Variants in SLC5A6 observed in about 807,000 individuals in gnomAD.
SLC5A6 encodes the protein solute carrier family 5 member 6, also known as sodium-dependent multivitamin transporter.
Under a neutral mutation model 67.9 loss-of-function variants are expected in SLC5A6, and 31 were observed. The ratio of observed to expected loss-of-function variants is 0.46; its 90% CI spans 0.34 to 0.62. The LOEUF is 0.62. Ranked by LOEUF, SLC5A6 falls within the 20% of genes least tolerant of loss-of-function variation. The pLI is 0.01. For missense variants in SLC5A6, 673 were observed against 812.8 expected, an observed-to-expected ratio of 0.83 and a Z score of 2.09; for synonymous variants, 343 against 331.0, an observed-to-expected ratio of 1.04 and a Z score of -0.39.
chr2:27,204,469 G>C lies in SLC5A6; in HGVS notation c.997C>G (p.Pro333Ala). The C allele has an allele frequency of 6.2e-7, 1 of 1,612,942 alleles. No homozygotes were observed. ...PMSIQQAQAAPDQFVLYFVMD... is the reference protein window; with the variant it reads ...PMSIQQAQAAADQFVLYFVMD... ...GAACAGCGCCTTCTCACCTGGTCTG[G>C]GGCTGCCTGAGCCTGCTGAATGCTC... The change falls in exon 9 of 17, where the codon CCA becomes GCA. Residue 333 changes from proline (P) to alanine (A), a missense_variant. Transcript: ENST00000310574.
At chr2:27,202,169 GC>G in intron 12 of SLC5A6, 95 bp from the exon 13 acceptor site, 1 of 868,452 alleles carries the variant, frequency 1.2e-6, no homozygotes, top group Non-Finnish European at 1.9e-6. Context: ...TGACCTTGGA[GC>G]CCCACTTGTC....
rs147176799 is a variant in SLC5A6 at position 27,200,503 on chromosome 2, A to G, written c.1841T>C (p.Met614Thr). 1,650 of 1,614,044 alleles carry G rather than the reference A, an allele frequency of 1.0e-3. 4 individuals carry two copies. The highest frequency in any genetic ancestry group is 1.2e-3 in the Non-Finnish European group (1,428 of 1,179,956). The change falls in exon 17 of 17, where the codon ATG becomes ACG. Residue 614 changes from methionine (M) to threonine (T), a missense_variant. Coordinates refer to ENST00000310574, the MANE Select transcript of SLC5A6 (RefSeq NM_021095.4). ...VLGDSRDKEA[M>T]ALDGTAYQGS... The stretch of plus-strand genomic sequence containing the variant: ...CTGATAGGCTGTGCCATCCAGGGCC[A>G]TGGCCTCCTTGTCTCTGCTGTCCCC...
chr2:27,210,370 G>A (rs1237789178), intron 2 of SLC5A6, among the ~76,000 whole-genome samples: 1 of 152,078 alleles, frequency 6.6e-6, no homozygotes, highest in Non-Finnish European at 1.5e-5. Flanking sequence ...AAAAGCAAGA[G>A]CTAGCTGTTG....
At position 27,200,220 on chromosome 2, in the gene SLC5A6, C is replaced by G; in HGVS notation, c.*216G>C. 2.1e-6 allele frequency: 1 copy of G among 474,370 alleles called. No individual in the cohort carries two copies. Among genetic ancestry groups the G allele is most frequent in the Non-Finnish European group, 3.7e-6 (1 of 269,832 alleles). 29.4% of individuals were successfully genotyped at this position (474,370 alleles called of 1,614,324 possible). A position where few individuals can be genotyped will look rare whatever the true frequency, so the allele number is the denominator to read the frequency against. On this transcript the variant is annotated 3_prime_UTR_variant, in exon 17 of 17. Transcript: ENST00000310574. ...CCTACGAGCCTGATCCTTTAAAAAA[C>G]AGATTGGCAAGCGACGAGAAAAACG...
intron 2 of SLC5A6, chr2:27,208,345 C>T (rs1250845368): frequency 1.3e-5 from 2 of 152,692 alleles, no homozygotes; most frequent in African/African-American, 2.4e-5. Flanking sequence ...CAGGCCAACC[C>T]CTTTCTTAAG....
At chr2:27,201,911 G>A in intron 13 of SLC5A6, 64 bp from the exon 14 acceptor site, 1 of 1,608,808 alleles carries the variant, frequency 6.2e-7, no homozygotes, top group Non-Finnish European at 8.5e-7. Flanking sequence ...GCAGTCCTCA[G>A]CTCTCCTGGT....
intron 2 of SLC5A6, among the ~76,000 whole-genome samples, chr2:27,209,128 G>T (rs1674286335): frequency 6.6e-6 from 1 of 152,150 alleles, no homozygotes; most frequent in Admixed American, 6.5e-5. Context: ...CTAAGGCTCA[G>T]ATGGTTCAAG....
rs1384188924 is a variant in SLC5A6 at position 27,204,886 on chromosome 2, G to C, written c.780C>G (p.Ala260=). ...PFVRHTFWTL[A]FGGVFMMLSL... ...AGAGCATCATGAAGACACCCCCGAA[G>C]GCCAAGGTCCAGAAGGTGTGCCGCA... Residue 260 remains alanine, a synonymous_variant, in exon 8 of 17, where the codon GCC becomes GCG. Transcript: ENST00000310574. 6.2e-6 allele frequency: 10 copies of C among 1,613,968 alleles called. No homozygotes were observed. In the East Asian group the frequency reaches 2.2e-4, roughly 36 times the overall value.
In SLC5A6 at chr2:27,207,376, A is replaced by G; in HGVS notation, c.275T>C (p.Ile92Thr). The G allele has an allele frequency of 6.2e-7, 1 of 1,614,162 alleles. No individual in the cohort carries two copies. The highest frequency in any genetic ancestry group is 8.5e-7 in the Non-Finnish European group (1 of 1,180,022). The change falls in exon 3 of 17, where the codon ATC becomes ACC. Residue 92 changes from isoleucine to threonine, a missense_variant. Coordinates refer to ENST00000310574, the MANE Select transcript of SLC5A6 (RefSeq NM_021095.4). This position sits in a 1 kb window ranked among gnomAD's most constrained non-coding sequence, Gnocchi z 5.5. ...CCAATATTGGGTCCCAAATCGGTAG[A>G]TCTCTGACGGCACACCCAGGATGGC... ...AVAILGVPSE[I>T]YRFGTQYWFL...
chr2:27,202,526 G>C (rs116584770), intron 12 of SLC5A6, among the ~76,000 whole-genome samples: 1 of 38,598 alleles, frequency 2.6e-5, no homozygotes, highest in African/African-American at 8.5e-5. Context: ...AAAAAAAAAA[G>C]AACTCCAGAG....
intron 14 of SLC5A6, 47 bp from the exon 15 acceptor site, chr2:27,201,500 A>C (rs186754671): frequency 7.0e-7 from 1 of 1,430,144 alleles, no homozygotes; most frequent in East Asian, 2.3e-5. Context: ...TTGGCAGGGC[A>C]TTCCTTGGGC....
chr2:27,212,411 T>C, upstream of SLC5A6: 3 of 1,553,122 alleles, frequency 1.9e-6, no homozygotes, highest in Non-Finnish European at 2.6e-6. Context: ...CCTGGTGCCC[T>C]GGGCTGCCGC....
rs573717725 is a variant in SLC5A6, at chr2:27,201,274, C to A, written c.1648+76G>T. Reference sequence around the variant, plus strand: ...CACCCAAGAGCTCAGAGGGCAGGAGCCTTTCTCCCTAGAGTCCCTTAGGGC... The same window carrying A: ...CACCCAAGAGCTCAGAGGGCAGGAGACTTTCTCCCTAGAGTCCCTTAGGGC... On this transcript the variant is annotated intron_variant, in intron 15 of 16. Transcript: ENST00000310574. 10 of 1,077,100 alleles carry A rather than the reference C, an allele frequency of 9.3e-6. No homozygotes were observed. In the African/African-American group the frequency reaches 1.2e-4, roughly 13 times the overall value. The allele number at this position is 1,077,100 out of a possible 1,614,324, so 66.7% of individuals were successfully genotyped here. A position where few individuals can be genotyped will look rare whatever the true frequency, so the allele number is the denominator to read the frequency against.
At chr2:27,209,518 G>A (rs1222043221) in intron 2 of SLC5A6, among the ~76,000 whole-genome samples, 4 of 152,196 alleles carry the variant, frequency 2.6e-5, no homozygotes, top group Admixed American at 2.0e-4. Context: ...TATGCAGCAT[G>A]ATACAAAACA....
At chr2:27,211,990 C>CCGCCCCGCT in intron 1 of SLC5A6, 30 bp downstream of exon 1, 1 of 614,634 alleles carries the variant, frequency 1.6e-6, no homozygotes, top group Non-Finnish European at 2.6e-6. Context: ...CGCCCCCTGC[C>CCGCCCCGCT]CGCCCCGCTC....
chr2:27,209,594 T>C (rs922891570), intron 2 of SLC5A6, among the ~76,000 whole-genome samples: 2 of 152,228 alleles, frequency 1.3e-5, no homozygotes, highest in African/African-American at 4.8e-5. Context: ...GTCCTCACTA[T>C]TCCCAGAACC....
At chr2:27,211,010 C>G (rs1201325931) in intron 2 of SLC5A6, among the ~76,000 whole-genome samples, 1 of 152,074 alleles carries the variant, frequency 6.6e-6, no homozygotes, top group South Asian at 2.1e-4. Flanking sequence ...GGCGACAGAG[C>G]GAGACTCCGT....
intron 7 of SLC5A6, 98 bp from the exon 8 acceptor site, chr2:27,205,029 C>A (rs1037925703): frequency 6.9e-7 from 1 of 1,447,182 alleles, no homozygotes; most frequent in Non-Finnish European, 9.5e-7. Flanking sequence ...AGGAGAGACA[C>A]CACTGCTAGG....
chr2:27,212,358 G>C, upstream of SLC5A6: 1 of 1,550,340 alleles, frequency 6.5e-7, no homozygotes, highest in Non-Finnish European at 8.7e-7. Context: ...GGAGCACCAA[G>C]GGAACGGAAA....
Sources: allele counts gnomAD v4.1 joint callset (sites outside exome capture counted in the v4.1 genomes callset), GRCh38; gene constraint gnomAD v4.1.1; non-coding constraint Gnocchi (gnomAD v3.1); transcripts MANE v1.5; gene names NCBI Gene and HGNC (gene_info 2026-07-23, HGNC 2026-07-21).